The following TMEM182 variants were observed in gnomAD, a reference collection of about 807,000 sequenced individuals.
TMEM182 encodes transmembrane protein 182.
Under a neutral mutation model 26.8 loss-of-function variants are expected in TMEM182, and 20 were observed. The observed-to-expected ratio is 0.75, with a 90% CI of 0.53 to 1.09. The LOEUF is 1.09. TMEM182 is among the 50% of genes least tolerant of loss of function. The pLI is 0.00. For missense variants in TMEM182, 277 were observed against 275.5 expected (o/e 1.01, Z -0.04); for synonymous variants, 109 against 102.2 (o/e 1.07, Z -0.40).
intron 4 of TMEM182, among the ~76,000 whole-genome samples, chr2:102,809,690 C>A (rs551145576): frequency 6.6e-6 from 1 of 152,330 alleles, no homozygotes; most frequent in East Asian, 1.9e-4. Context: ...TTTCCATCCT[C>A]TGTTGAAAAT....
At chr2:102,754,177 G>A (rs1679967369) in intron 1 of TMEM182, among the ~76,000 whole-genome samples, 2 of 152,070 alleles carry the variant, frequency 1.3e-5, no homozygotes, top group Admixed American at 1.3e-4. Context: ...TAGGATGATG[G>A]GCCACAGTCC....
At chr2:102,798,702 G>C (rs768121521) in intron 4 of TMEM182, among the ~76,000 whole-genome samples, 2 of 152,068 alleles carry the variant, frequency 1.3e-5, no homozygotes, top group Admixed American at 6.5e-5. Flanking sequence ...TTAGCCAGGC[G>C]TGGTGGCATG....
downstream of TMEM182, among the ~76,000 whole-genome samples, chr2:102,820,585 A>G (rs970840653): frequency 6.6e-6 from 1 of 152,250 alleles, no homozygotes; most frequent in Non-Finnish European, 1.5e-5. Flanking sequence ...CAATACACAA[A>G]ATACATAAAG....
At chr2:102,830,309 G>A (rs1683125945) in intron 3 of TMEM182, among the ~76,000 whole-genome samples, 1 of 152,204 alleles carries the variant, frequency 6.6e-6, no homozygotes, top group Non-Finnish European at 1.5e-5. Flanking sequence ...CTTGAGTGAA[G>A]AGTTGAATTG....
At chr2:102,821,930 G>A (rs1682924786), downstream of TMEM182, among the ~76,000 whole-genome samples, 1 of 151,154 alleles carries the variant, frequency 6.6e-6, no homozygotes, top group Admixed American at 6.6e-5. Context: ...AGAGCTTGCA[G>A]TGAGCTGAGA....
At chr2:102,821,652 A>G (rs989237616), downstream of TMEM182, among the ~76,000 whole-genome samples, 2 of 152,164 alleles carry the variant, frequency 1.3e-5, no homozygotes, top group Non-Finnish European at 2.9e-5. Flanking sequence ...GAGTGGCCTA[A>G]TACAGTGGTC....
At chr2:102,786,370 G>GCACCTGGCTAATT (rs1681397101) in intron 3 of TMEM182, among the ~76,000 whole-genome samples, 1 of 151,840 alleles carries the variant, frequency 6.6e-6, no homozygotes, top group African/African-American at 2.4e-5. Context: ...GCCTGCCACC[G>GCACCTGGCTAATT]CACCTGGCTA....
chr2:102,801,988 A>G (rs1290057800), intron 4 of TMEM182, among the ~76,000 whole-genome samples: 1 of 152,172 alleles, frequency 6.6e-6, no homozygotes, highest in Non-Finnish European at 1.5e-5. Flanking sequence ...CGTGGGATGG[A>G]ATGTGACTGG....
At chr2:102,843,184 A>G (rs954951544) in intron 3 of TMEM182, among the ~76,000 whole-genome samples, 4 of 152,176 alleles carry the variant, frequency 2.6e-5, no homozygotes, top group Non-Finnish European at 5.9e-5. Flanking sequence ...AGGAGATACC[A>G]TGACACCTCC....
chr2:102,766,962 T>C (rs377352633), intron 3 of TMEM182, among the ~76,000 whole-genome samples: 34 of 152,174 alleles, frequency 2.2e-4, no homozygotes, highest in African/African-American at 8.2e-4. Context: ...CCTTTTATAA[T>C]AAGGAGACTG....
chr2:102,836,359 A>G (rs539657534), intron 3 of TMEM182, among the ~76,000 whole-genome samples: 1 of 152,298 alleles, frequency 6.6e-6, no homozygotes, highest in African/African-American at 2.4e-5. Flanking sequence ...CCAGCAATGA[A>G]TGAGAATGCC....
intron 3 of TMEM182, among the ~76,000 whole-genome samples, chr2:102,834,798 C>A (rs1683210969): frequency 6.6e-6 from 1 of 152,150 alleles, no homozygotes; most frequent in South Asian, 2.1e-4. Flanking sequence ...CAAGCTGTTA[C>A]AAAAGCCAAG....
rs1682757391 is a variant in TMEM182, at chr2:102,816,517, A to AATAATG, written c.*1554_*1555insGATAAT. ...TTTCATGACAGGACTTGCCAATAAT[A>AATAATG]ATAATAATAATAATAATAATAATAA... is the stretch of plus-strand genomic sequence containing the variant. On this transcript the variant is annotated 3_prime_UTR_variant, in exon 5 of 5. Transcript: ENST00000412401. The AATAATG allele has an allele frequency of 2.1e-6, 2 of 953,566 alleles. No individual in the cohort carries two copies. Among genetic ancestry groups the AATAATG allele is most frequent in the Non-Finnish European group, 2.5e-6 (2 of 803,676 alleles). The allele number at this position is 953,566 out of a possible 1,614,324, so 59.1% of individuals were successfully genotyped here.
Position 102,777,672 on chromosome 2 carries a change from G to T in TMEM182, c.331+13245G>T, listed in dbSNP as rs138939250. ...GTTCTAGAAATTTCTGGAGATTTTTGGAGATTTCCTACATAGATAATCATG... is the reference window on the plus strand; with the variant it reads ...GTTCTAGAAATTTCTGGAGATTTTTTGAGATTTCCTACATAGATAATCATG... On this transcript the variant is annotated intron_variant, in intron 3 of 4. Transcript: ENST00000412401. Among the ~76,000 whole-genome samples the T allele has an allele frequency of 1.1e-3, 161 of 151,622 alleles. 1 individual carries two copies. Among genetic ancestry groups the T allele is most frequent in the African/African-American group, 3.7e-3 (155 of 41,428 alleles).
upstream of TMEM182, chr2:102,758,292 C>A: frequency 5.3e-6 from 3 of 562,032 alleles, no homozygotes; most frequent in Admixed American, 3.2e-5. Context: ...TGAAGAACAC[C>A]ACAGCTGCTT....
chr2:102,796,351 A>G (rs1352171970), intron 3 of TMEM182, among the ~76,000 whole-genome samples: 2 of 152,206 alleles, frequency 1.3e-5, no homozygotes, highest in Non-Finnish European at 2.9e-5. Context: ...AGTTGTGATC[A>G]GTACAGTCGT....
intron 3 of TMEM182, among the ~76,000 whole-genome samples, chr2:102,836,582 G>A (rs1440107721): frequency 1.3e-5 from 2 of 152,164 alleles, no homozygotes; most frequent in Non-Finnish European, 2.9e-5. Context: ...ATTAGTAAAG[G>A]CAAGTTTAAA....
chr2:102,786,146 G>T (rs1482728229), intron 3 of TMEM182, among the ~76,000 whole-genome samples: 1 of 144,720 alleles, frequency 6.9e-6, no homozygotes, highest in Non-Finnish European at 1.5e-5. Context: ...TGGTGTTCTT[G>T]ATTCATTTGA....
In TMEM182 at chr2:102,807,267, A is replaced by C. The variant is rs1042142805; in HGVS notation, c.470-7481A>C. Among the ~76,000 whole-genome samples the C allele has an allele frequency of 2.0e-5, 3 of 152,202 alleles. No homozygotes were observed. The East Asian group carries it at 5.8e-4, about 29-fold the overall frequency. On this transcript the variant is annotated intron_variant, in intron 4 of 4. Coordinates refer to ENST00000412401, the MANE Select transcript of TMEM182 (RefSeq NM_144632.5). The stretch of plus-strand genomic sequence containing the variant: ...AGCAGAATGATGAAGTGTGTGCAGC[A>C]ATGAGTGTTTGGAAATCAGAAAAGT...
Sources: gnomAD v4.1 joint callset for allele counts (sites outside exome capture counted in the v4.1 genomes callset) on GRCh38, gnomAD v4.1.1 for gene constraint, MANE v1.5 for transcripts, NCBI Gene and HGNC (gene_info 2026-07-23, HGNC 2026-07-21) for gene names.